ARFGEF1: variants seen among roughly 807,000 people sequenced by gnomAD.
ARFGEF1 encodes brefeldin A-inhibited guanine nucleotide-exchange protein 1.
Under a neutral mutation model 231.0 loss-of-function variants are expected in ARFGEF1, and 42 were observed. That is an observed-to-expected ratio of 0.18 (90% CI 0.14 to 0.24). The LOEUF is 0.24. ARFGEF1 is among the 10% of genes least tolerant of loss of function. The probability of loss-of-function intolerance (pLI) is 1.00; values close to 1 mark genes in which losing one functional copy is unlikely to be tolerated. For synonymous variants in ARFGEF1, 710 were observed against 732.3 expected, an observed-to-expected ratio of 0.97 and a Z score of 0.49; for missense variants, 1,345 against 2,192.0, an observed-to-expected ratio of 0.61 and a Z score of 7.72.
intron 1 of ARFGEF1, among the ~76,000 whole-genome samples, chr8:67,315,334 C>T (rs1416503282): frequency 6.6e-6 from 1 of 152,068 alleles, no homozygotes; most frequent in South Asian, 2.1e-4. Flanking sequence ...ATCCCTCTTA[C>T]AACAATACAA....
intron 1 of ARFGEF1, among the ~76,000 whole-genome samples, chr8:67,311,780 C>T (rs1587289703): frequency 6.6e-6 from 1 of 152,196 alleles, no homozygotes; most frequent in Non-Finnish European, 1.5e-5. Context: ...ACAATGGCGG[C>T]TTTGTGGAAT....
At chr8:67,197,582 G>C (rs1311393683), downstream of ARFGEF1, 2 of 966,394 alleles carry the variant, frequency 2.1e-6, no homozygotes, top group Admixed American at 6.2e-5. Context: ...TGTAGTTCTG[G>C]CTGAAAATGT....
chr8:67,251,256 T>G, intron 19 of ARFGEF1, 43 bp downstream of exon 19: 1 of 1,513,214 alleles, frequency 6.6e-7, no homozygotes, highest in Non-Finnish European at 8.9e-7. Context: ...TGTAGTTATA[T>G]ATAAATGTAC....
rs938220145 is a variant in ARFGEF1 at position 67,311,805 on chromosome 8, G to A, written c.125-9339C>T. 1.3e-5 allele frequency among the ~76,000 whole-genome samples: 2 copies of A among 152,210 alleles called. 1 individual carries two copies. Among genetic ancestry groups the A allele is most frequent in the African/African-American group, 4.8e-5 (2 of 41,460 alleles). On this transcript the variant is annotated intron_variant, in intron 1 of 38. Transcript: ENST00000262215. ...CTTTGTGGAATAGAAAGGCGGGAAA[G>A]GTGGGGAAAAGATTGAGAAATCGGA...
chr8:67,235,273 G>C (rs1247708877), intron 22 of ARFGEF1, among the ~76,000 whole-genome samples: 1 of 151,758 alleles, frequency 6.6e-6, no homozygotes, highest in Non-Finnish European at 1.5e-5. Context: ...TTCCAGTTTT[G>C]TCAAACAAAT....
chr8:67,185,422 G>A (rs1211304877), intron 5 of ARFGEF1, among the ~76,000 whole-genome samples: 1 of 152,212 alleles, frequency 6.6e-6, no homozygotes, highest in Non-Finnish European at 1.5e-5. Flanking sequence ...AGGATGAATT[G>A]CACATTATTG....
intron 14 of ARFGEF1, among the ~76,000 whole-genome samples, chr8:67,263,301 G>C (rs1354004651): frequency 2.0e-5 from 3 of 152,012 alleles, no homozygotes; most frequent in Middle Eastern, 3.2e-3. Context: ...TTGGGCTATT[G>C]CAAGAGTTCT....
At chr8:67,301,195 G>A (rs1021881838) in intron 3 of ARFGEF1, 29 bp downstream of exon 3, 2 of 1,557,590 alleles carry the variant, frequency 1.3e-6, no homozygotes, top group Non-Finnish European at 1.7e-6. Context: ...AAAGTACACA[G>A]TTTTTAGAAA....
intron 5 of ARFGEF1, among the ~76,000 whole-genome samples, chr8:67,184,733 TAATA>T (rs1240793594): frequency 2.2e-5 from 3 of 133,596 alleles, no homozygotes; most frequent in African/African-American, 3.2e-5. Context: ...AAAAAAATAA[TAATA>T]AAAAAATATA....
intron 17 of ARFGEF1, among the ~76,000 whole-genome samples, chr8:67,255,346 G>A (rs1030722296): frequency 1.3e-5 from 2 of 152,074 alleles, no homozygotes; most frequent in African/African-American, 4.8e-5. Context: ...GCCTTATTTA[G>A]TGTTTAAATC....
intron 7 of ARFGEF1, among the ~76,000 whole-genome samples, chr8:67,285,247 G>A (rs1189801766): frequency 6.6e-6 from 1 of 152,094 alleles, no homozygotes; most frequent in South Asian, 2.1e-4. Context: ...GGCCAGGTGT[G>A]TGGTTCACAT....
intron 36 of ARFGEF1, among the ~76,000 whole-genome samples, chr8:67,202,494 A>G (rs983638293): frequency 1.3e-5 from 2 of 152,174 alleles, no homozygotes; most frequent in African/African-American, 4.8e-5. Flanking sequence ...TCTGGCCCCA[A>G]GCAATCATCC....
intron 20 of ARFGEF1, among the ~76,000 whole-genome samples, chr8:67,239,176 T>C (rs1839856503): frequency 6.6e-6 from 1 of 151,924 alleles, no homozygotes; most frequent in South Asian, 2.1e-4. Context: ...CAAGCTAATT[T>C]TTTGTATCTT....
chr8:67,295,755 G>T (rs960405903), intron 5 of ARFGEF1, among the ~76,000 whole-genome samples: 1 of 152,114 alleles, frequency 6.6e-6, no homozygotes, highest in African/African-American at 2.4e-5. Context: ...TAACAGTATT[G>T]TACCAGTGTT....
At chr8:67,275,878 T>A in intron 9 of ARFGEF1, 98 bp downstream of exon 9, 1 of 1,481,288 alleles carries the variant, frequency 6.8e-7, no homozygotes, top group Admixed American at 2.3e-5. Context: ...TATGGTTCTA[T>A]AGGACAAAAA....
downstream of ARFGEF1, chr8:67,193,357 A>AAAG (rs1450841731): frequency 9.3e-6 from 9 of 964,910 alleles, no homozygotes; most frequent in African/African-American, 1.1e-4. Flanking sequence ...TCGGCTTCCC[A>AAAG]AAGTGCTGGG....
intron 17 of ARFGEF1, among the ~76,000 whole-genome samples, chr8:67,256,823 T>A (rs901825179): frequency 3.3e-5 from 5 of 152,208 alleles, no homozygotes; most frequent in Non-Finnish European, 5.9e-5. Context: ...TTTCTAGATA[T>A]CAGGTATTTT....
intron 29 of ARFGEF1, among the ~76,000 whole-genome samples, chr8:67,224,487 C>T (rs1378914241): frequency 6.6e-6 from 1 of 152,018 alleles, no homozygotes; most frequent in African/African-American, 2.4e-5. Context: ...TGTTACTGAC[C>T]AGGTTACAAA....
At position 67,199,151 on chromosome 8, in the gene ARFGEF1, TA is replaced by T. The variant is rs1838220774; in HGVS notation, c.5386-54del. 1.9e-6 allele frequency: 3 copies of T among 1,577,962 alleles called. No homozygotes were observed. The African/African-American group carries it at 4.2e-5, about 22-fold the overall frequency. ...GTAGTGATTGCAAACTGCAGAGCCT[TA>T]AACTGCCTAGAGTCAAACTACTCTG... is the stretch of plus-strand genomic sequence containing the variant. On this transcript the variant is annotated intron_variant, in intron 38 of 38. Transcript: ENST00000262215.
Sources: allele counts gnomAD v4.1 joint callset (sites outside exome capture counted in the v4.1 genomes callset), GRCh38; gene constraint gnomAD v4.1.1; transcripts MANE v1.5; gene names NCBI Gene and HGNC (gene_info 2026-07-23, HGNC 2026-07-21).